The following PPHLN1 variants were observed in gnomAD, a reference collection of about 807,000 sequenced individuals.
PPHLN1 encodes periphilin 1.
PPHLN1 carries 29 observed loss-of-function variants against 51.3 expected under a neutral mutation model. The observed-to-expected ratio is 0.57, with a 90% CI of 0.42 to 0.77. The LOEUF is 0.77. Ranked by LOEUF, PPHLN1 falls within the 30% of genes least tolerant of loss-of-function variation. The pLI is 0.00. For missense variants in PPHLN1, 436 were observed against 438.4 expected (o/e 0.99, Z 0.05); for synonymous variants, 147 against 147.8 (o/e 0.99, Z 0.04).
At position 42,401,787 on chromosome 12, in the gene PPHLN1, A is replaced by G. The variant is rs140633937; in HGVS notation, c.909+2793A>G. Among the ~76,000 whole-genome samples, 400 of 152,280 alleles carry G rather than the reference A, an allele frequency of 2.6e-3. 1 individual carries two copies. Among genetic ancestry groups the G allele is most frequent in the African/African-American group, 9.2e-3 (382 of 41,536 alleles). ...ATATTCATCAGGTAATTTATAGTTA[A>G]AATATAGATAGGAATCATTTTAGTT... On this transcript the variant is annotated intron_variant, in intron 9 of 9. Transcript: ENST00000358314.
chr12:42,335,073 C>A (rs1025462607), intron 1 of PPHLN1, among the ~76,000 whole-genome samples: 27 of 152,082 alleles, frequency 1.8e-4, no homozygotes, highest in African/African-American at 6.3e-4. Context: ...CTCATTTTCT[C>A]TTGTTTGCCT....
At chr12:42,342,467 C>T (rs1199023738) in intron 2 of PPHLN1, among the ~76,000 whole-genome samples, 1 of 152,194 alleles carries the variant, frequency 6.6e-6, no homozygotes, top group Non-Finnish European at 1.5e-5. Context: ...GGGGTTCCAG[C>T]TTCTTAGCCT....
At position 42,328,725 on chromosome 12, in the gene PPHLN1, T is replaced by G. The variant is rs367668493; in HGVS notation, c.-21+2496T>G. 2.6e-5 allele frequency among the ~76,000 whole-genome samples: 4 copies of G among 152,320 alleles called. No homozygotes were observed. The East Asian group carries it at 5.8e-4, about 22-fold the overall frequency. On this transcript the variant is annotated intron_variant, in intron 1 of 9. Transcript: ENST00000358314. Reference sequence around the variant, plus strand: ...TGCAGTACTTTTTATTTTTTTATTTTTTGAGACGGTGTCTTGCTCTGTTGC... The same window carrying G: ...TGCAGTACTTTTTATTTTTTTATTTGTTGAGACGGTGTCTTGCTCTGTTGC...
chr12:42,387,502 A>C lies in PPHLN1; in HGVS notation c.615A>C (p.Ser205=), dbSNP rs749793965. ...CTTTGAAAACATCAAGAGATACTTC[A>C]CCCTCAAGTGGTTCAGCAGTTTCTT... The part of the protein sequence containing the change: ...VQSLKTSRDT[S]PSSGSAVSSS... The change falls in exon 7 of 10, where the codon TCA becomes TCC. Residue 205 remains serine (S), a synonymous_variant. Coordinates refer to ENST00000358314, the MANE Select transcript of PPHLN1 (RefSeq NM_201439.2). 6.2e-7 allele frequency: 1 copy of C among 1,613,516 alleles called. No homozygotes were observed. The highest frequency in any genetic ancestry group is 8.5e-7 in the Non-Finnish European group (1 of 1,179,804).
At chr12:42,374,769 A>T in intron 4 of PPHLN1, 94 bp from the exon 5 acceptor site, 1 of 1,085,272 alleles carries the variant, frequency 9.2e-7, no homozygotes, top group Non-Finnish European at 1.3e-6. Flanking sequence ...AGTACAATTT[A>T]AAGGGTAGCT....
At chr12:42,355,318 T>G in intron 4 of PPHLN1, 96 bp downstream of exon 4, 2 of 1,078,686 alleles carry the variant, frequency 1.9e-6, no homozygotes, top group Non-Finnish European at 2.8e-6. Flanking sequence ...AGATGAAATA[T>G]TTTACTGGGA....
At chr12:42,347,854 G>A (rs952292835) in intron 2 of PPHLN1, among the ~76,000 whole-genome samples, 2 of 152,144 alleles carry the variant, frequency 1.3e-5, no homozygotes, top group South Asian at 4.1e-4. Flanking sequence ...ATCCTTGAAT[G>A]ATATACCTGG....
chr12:42,423,139 T>A (rs1194961962), intron 9 of PPHLN1, among the ~76,000 whole-genome samples: 2 of 152,192 alleles, frequency 1.3e-5, no homozygotes, highest in Non-Finnish European at 2.9e-5. Context: ...CAGTTTATAT[T>A]TGTATTGCCA....
chr12:42,333,251 C>A (rs914743232), intron 1 of PPHLN1, among the ~76,000 whole-genome samples: 1 of 152,004 alleles, frequency 6.6e-6, no homozygotes, highest in Non-Finnish European at 1.5e-5. Context: ...AAAAGGAATA[C>A]AAAATATTCC....
chr12:42,414,944 T>A (rs950919684), intron 9 of PPHLN1, among the ~76,000 whole-genome samples: 7 of 152,234 alleles, frequency 4.6e-5, no homozygotes, highest in African/African-American at 1.4e-4. Context: ...AATCTGTAAC[T>A]GATAATTTTA....
At chr12:42,388,320 G>A (rs927126502) in intron 7 of PPHLN1, among the ~76,000 whole-genome samples, 1 of 152,126 alleles carries the variant, frequency 6.6e-6, no homozygotes, top group African/African-American at 2.4e-5. Context: ...ACATGCTGGC[G>A]GCAATGCTGC....
chr12:42,340,247 T>G (rs1228446608), intron 2 of PPHLN1, among the ~76,000 whole-genome samples: 1 of 148,520 alleles, frequency 6.7e-6, no homozygotes, highest in Non-Finnish European at 1.5e-5. Flanking sequence ...AAGTTGAGGC[T>G]GCAGTGAGCT....
intron 1 of PPHLN1, among the ~76,000 whole-genome samples, chr12:42,326,902 A>G (rs1592118584): frequency 6.6e-6 from 1 of 152,260 alleles, no homozygotes; most frequent in East Asian, 1.9e-4. Context: ...GCAGCCTGGA[A>G]CCCACAGCCT....
intron 9 of PPHLN1, among the ~76,000 whole-genome samples, chr12:42,417,920 GT>G (rs542371198): frequency 4.9e-5 from 5 of 102,410 alleles, no homozygotes; most frequent in Admixed American, 1.1e-4. Flanking sequence ...AAAAGCCCTA[GT>G]TTTTTTTTTT....
At chr12:42,341,374 G>A (rs1185745021) in intron 2 of PPHLN1, among the ~76,000 whole-genome samples, 1 of 152,134 alleles carries the variant, frequency 6.6e-6, no homozygotes, top group Non-Finnish European at 1.5e-5. Context: ...GATATAAAGT[G>A]CAACGTGAAG....
intron 1 of PPHLN1, among the ~76,000 whole-genome samples, chr12:42,327,184 C>T (rs550693770): frequency 6.6e-6 from 1 of 152,310 alleles, no homozygotes; most frequent in African/African-American, 2.4e-5. Context: ...TGCTTTCTTT[C>T]GACTTAGGCT....
chr12:42,332,444 C>T (rs1318028381), intron 1 of PPHLN1, among the ~76,000 whole-genome samples: 2 of 152,148 alleles, frequency 1.3e-5, no homozygotes, highest in Non-Finnish European at 2.9e-5. Context: ...CTAGACTAGA[C>T]TTCTAGGACT....
chr12:42,363,188 A>G (rs1239963743), intron 4 of PPHLN1, among the ~76,000 whole-genome samples: 3 of 152,182 alleles, frequency 2.0e-5, no homozygotes, highest in Non-Finnish European at 4.4e-5. Flanking sequence ...ATAACCTTGT[A>G]GGTAAGGCAA....
In PPHLN1 at chr12:42,383,745, C is replaced by T. The variant is rs148902512; in HGVS notation, c.512-1195C>T. Among the ~76,000 whole-genome samples, 688 of 152,132 alleles carry T rather than the reference C, an allele frequency of 4.5e-3. 1 individual carries two copies. Among genetic ancestry groups the T allele is most frequent in the African/African-American group, 0.016 (667 of 41,494 alleles). ...CCTGTAATCCCAGCACTTTGGGAGACTGAGGCGGGTGGATCACGAGGTTAG... is the reference window on the plus strand; with the variant it reads ...CCTGTAATCCCAGCACTTTGGGAGATTGAGGCGGGTGGATCACGAGGTTAG... On this transcript the variant is annotated intron_variant, in intron 5 of 9. Coordinates refer to ENST00000358314, the MANE Select transcript of PPHLN1 (RefSeq NM_201439.2).
Sources: allele counts gnomAD v4.1 joint callset (sites outside exome capture counted in the v4.1 genomes callset), GRCh38; gene constraint gnomAD v4.1.1; transcripts MANE v1.5; gene names NCBI Gene and HGNC (gene_info 2026-07-23, HGNC 2026-07-21).